PHKB: variants seen among roughly 807,000 people sequenced by gnomAD.
PHKB encodes phosphorylase b kinase regulatory subunit beta.
Under a neutral mutation model 152.1 loss-of-function variants are expected in PHKB, and 122 were observed. The observed-to-expected ratio is 0.80, with a 90% CI of 0.69 to 0.93. The LOEUF (loss-of-function observed/expected upper bound fraction) is 0.93, where lower values mean the gene tolerates loss of function less well. Ranked by LOEUF, PHKB falls within the 40% of genes least tolerant of loss-of-function variation. PHKB has a pLI of 0.00. For missense variants in PHKB, 1,304 were observed against 1,328.4 expected (o/e 0.98, Z 0.29); for synonymous variants, 436 against 464.9 (o/e 0.94, Z 0.80).
intron 1 of PHKB, chr16:47,464,054 G>T (rs905012022): frequency 7.2e-5 from 77 of 1,067,822 alleles, no homozygotes; most frequent in Middle Eastern, 2.0e-4. Context: ...GTTTCTGAAG[G>T]TTGATTTCAC....
intron 6 of PHKB, among the ~76,000 whole-genome samples, chr16:47,531,642 A>G (rs1223921357): frequency 6.6e-6 from 1 of 152,220 alleles, no homozygotes; most frequent in Non-Finnish European, 1.5e-5. Flanking sequence ...TTTTGGCTTA[A>G]TAGAAGACAC....
At position 47,556,541 on chromosome 16, in the gene PHKB, C is replaced by T. The variant is rs574568683; in HGVS notation, c.710+8993C>T. Among the ~76,000 whole-genome samples, 11 of 152,222 alleles carry T rather than the reference C, an allele frequency of 7.2e-5. No homozygotes were observed. In the South Asian group the frequency reaches 1.5e-3, roughly 20 times the overall value. On this transcript the variant is annotated intron_variant, in intron 7 of 30. Coordinates refer to ENST00000323584, the MANE Select transcript of PHKB (RefSeq NM_000293.3). ...ATTGAGATAATCATGTGGTTTTTGTCGTTGGTTCTGTTTATATGCTGGATT... is the reference window on the plus strand; with the variant it reads ...ATTGAGATAATCATGTGGTTTTTGTTGTTGGTTCTGTTTATATGCTGGATT...
At chr16:47,619,216 C>G (rs1972575281) in intron 14 of PHKB, 1 of 152,150 alleles carries the variant, frequency 6.6e-6, no homozygotes, top group Non-Finnish European at 1.5e-5. Flanking sequence ...AAGGCGTTAA[C>G]TGAAGAATGA....
At chr16:47,546,906 T>G (rs1971179445) in intron 6 of PHKB, among the ~76,000 whole-genome samples, 1 of 152,148 alleles carries the variant, frequency 6.6e-6, no homozygotes, top group African/African-American at 2.4e-5. Context: ...TGGGACCCGC[T>G]GAGCAAGGTG....
intron 20 of PHKB, 118 bp downstream of exon 20, chr16:47,651,039 A>G (rs1313069890): frequency 1.3e-6 from 1 of 762,928 alleles, no homozygotes; most frequent in Non-Finnish European, 2.3e-6. Context: ...TTCTCCACCT[A>G]TCTTCCTATT....
chr16:47,653,803 A>G (rs1300000727), intron 20 of PHKB, among the ~76,000 whole-genome samples: 2 of 152,208 alleles, frequency 1.3e-5, no homozygotes, highest in Admixed American at 1.3e-4. Context: ...TGAAAAGACT[A>G]TTACAAAAAT....
At chr16:47,461,309 G>A, upstream of PHKB, 1 of 1,512,924 alleles carries the variant, frequency 6.6e-7, no homozygotes, top group African/African-American at 1.4e-5. Context: ...ATTGCTGACA[G>A]GCGGCCCCGG....
rs1973992573 is a variant in PHKB, at chr16:47,687,894, G to A, written c.2631-1147G>A. 6.6e-5 allele frequency among the ~76,000 whole-genome samples: 10 copies of A among 152,182 alleles called. No individual in the cohort carries two copies. In the South Asian group the frequency reaches 2.1e-3, roughly 31 times the overall value. ...ATCAGGCCTGGTTGACACCCGGTAA[G>A]GCTTAGCATTTTTTCTTACGGTTCT... On this transcript the variant is annotated intron_variant, in intron 26 of 30. Transcript: ENST00000323584.
chr16:47,536,842 C>T (rs957943254), intron 6 of PHKB, among the ~76,000 whole-genome samples: 3 of 152,126 alleles, frequency 2.0e-5, no homozygotes, highest in African/African-American at 4.8e-5. Context: ...AATTAAGAGC[C>T]GTGGTCTTGG....
rs193085551 is a variant in PHKB, at chr16:47,520,325, T to C, written c.594+4724T>C. ...TATGTGCTGTCACTGTTCAAAGTGC[T>C]TTGCATATAGAAAAACTTATTTAAT... On this transcript the variant is annotated intron_variant, in intron 6 of 30. Coordinates refer to ENST00000323584, the MANE Select transcript of PHKB (RefSeq NM_000293.3). 2.0e-5 allele frequency among the ~76,000 whole-genome samples: 3 copies of C among 152,352 alleles called. No homozygotes were observed. In the East Asian group the frequency reaches 5.8e-4, roughly 29 times the overall value.
intron 7 of PHKB, among the ~76,000 whole-genome samples, chr16:47,552,796 C>G (rs1178825866): frequency 6.8e-6 from 1 of 146,728 alleles, no homozygotes; most frequent in Non-Finnish European, 1.5e-5. Flanking sequence ...AAGACCCCAT[C>G]TCAAACACAC....
chr16:47,504,524 C>A lies in PHKB; in HGVS notation c.405+1434C>A, dbSNP rs1970377671. On this transcript the variant is annotated intron_variant, in intron 4 of 30. Coordinates refer to ENST00000323584, the MANE Select transcript of PHKB (RefSeq NM_000293.3). ...GTCCACATATCAGCCAAGGGGCAAC[C>A]TTACAAACAATTCTTTCTGTGGTTA... 2.6e-5 allele frequency among the ~76,000 whole-genome samples: 4 copies of A among 152,214 alleles called. No individual in the cohort carries two copies. In the South Asian group the frequency reaches 6.2e-4, roughly 24 times the overall value.
chr16:47,671,092 C>G (rs1438914024), intron 26 of PHKB, among the ~76,000 whole-genome samples: 1 of 152,112 alleles, frequency 6.6e-6, no homozygotes, highest in East Asian at 1.9e-4. Flanking sequence ...ATTTGTATCT[C>G]AAAAACATAA....
intron 18 of PHKB, among the ~76,000 whole-genome samples, chr16:47,649,602 T>G (rs1973198378): frequency 2.0e-5 from 3 of 152,194 alleles, no homozygotes; most frequent in Non-Finnish European, 2.9e-5. Flanking sequence ...AGTTAAAATC[T>G]TCACTCCCTT....
intron 6 of PHKB, among the ~76,000 whole-genome samples, chr16:47,516,145 C>G (rs950776502): frequency 6.6e-6 from 1 of 152,110 alleles, no homozygotes; most frequent in Admixed American, 6.5e-5. Context: ...CCAAGGCAGT[C>G]TTGATCTCCT....
intron 14 of PHKB, among the ~76,000 whole-genome samples, chr16:47,629,577 G>A (rs1972783198): frequency 1.3e-5 from 2 of 150,098 alleles, no homozygotes; most frequent in South Asian, 4.2e-4. Flanking sequence ...CTGTTGGTGG[G>A]ACTGTAAACT....
chr16:47,611,824 GC>G (rs1177126469), intron 14 of PHKB, among the ~76,000 whole-genome samples: 1 of 152,158 alleles, frequency 6.6e-6, no homozygotes, highest in Non-Finnish European at 1.5e-5. Context: ...TGGATGAGAA[GC>G]TATCTGAGAG....
At chr16:47,628,867 C>T (rs368423800) in intron 14 of PHKB, among the ~76,000 whole-genome samples, 3 of 151,802 alleles carry the variant, frequency 2.0e-5, no homozygotes, top group East Asian at 3.9e-4. Context: ...GAAATAATGC[C>T]GCATATCTAC....
At chr16:47,549,080 GA>G (rs1199167744) in intron 7 of PHKB, among the ~76,000 whole-genome samples, 1 of 152,154 alleles carries the variant, frequency 6.6e-6, no homozygotes, top group South Asian at 2.1e-4. Flanking sequence ...ATCAATCAAT[GA>G]AAAAGTCAGT....
Sources: gnomAD v4.1 joint callset for allele counts (sites outside exome capture counted in the v4.1 genomes callset) on GRCh38, gnomAD v4.1.1 for gene constraint, MANE v1.5 for transcripts, NCBI Gene and HGNC (gene_info 2026-07-23, HGNC 2026-07-21) for gene names.